Variants in ARHGAP6 observed in about 807,000 individuals in gnomAD.
ARHGAP6 encodes the protein Rho GTPase activating protein 6.
A neutral mutation model predicts 55.7 loss-of-function variants in ARHGAP6; 16 were observed. That is an observed-to-expected ratio of 0.29 (90% CI 0.19 to 0.44). The LOEUF (loss-of-function observed/expected upper bound fraction) is 0.44. Ranked by LOEUF, ARHGAP6 falls within the 20% of genes least tolerant of loss-of-function variation. ARHGAP6 has a pLI of 1.00. For synonymous variants in ARHGAP6, 382 were observed against 360.9 expected, an observed-to-expected ratio of 1.06 and a Z score of -0.66; for missense variants, 698 against 808.9, an observed-to-expected ratio of 0.86 and a Z score of 1.66.
chrX:11,504,418 A>G (rs1440351816), intron 1 of ARHGAP6, among the ~76,000 whole-genome samples: 1 of 111,059 alleles, frequency 9.0e-6, no homozygotes, highest in Non-Finnish European at 1.9e-5. Flanking sequence ...TGTCACCAAC[A>G]CCACTCCCCA....
chrX:11,192,175 T>A (rs1332468801), intron 3 of ARHGAP6, among the ~76,000 whole-genome samples: 1 of 112,335 alleles, frequency 8.9e-6, no homozygotes, highest in African/African-American at 3.2e-5. Flanking sequence ...CTTACTCAGA[T>A]TTCCAAAAGT....
At chrX:11,517,424 A>G (rs1219782106) in intron 1 of ARHGAP6, among the ~76,000 whole-genome samples, 1 of 111,530 alleles carries the variant, frequency 9.0e-6, no homozygotes, top group Non-Finnish European at 1.9e-5. Context: ...CAGAGCCAAT[A>G]AAACAACTGG....
At chrX:11,241,853 G>C (rs1275462008) in intron 2 of ARHGAP6, among the ~76,000 whole-genome samples, 1 of 111,492 alleles carries the variant, frequency 9.0e-6, no homozygotes, top group Non-Finnish European at 1.9e-5. Context: ...AGAAGAAAAT[G>C]TTTTATGGTA....
chrX:11,311,089 TAAAC>T (rs928138309), intron 1 of ARHGAP6, among the ~76,000 whole-genome samples: 31 of 111,418 alleles, frequency 2.8e-4, no homozygotes, highest in Non-Finnish European at 5.6e-4. Context: ...TTTGAGCACT[TAAAC>T]AAAAAAATTA....
intron 1 of ARHGAP6, among the ~76,000 whole-genome samples, chrX:11,550,209 CTTTA>C (rs1360953609): frequency 8.9e-6 from 1 of 111,863 alleles, no homozygotes; most frequent in East Asian, 2.8e-4. Flanking sequence ...CTACACTATA[CTTTA>C]GAGACAGAAA....
In ARHGAP6 at chrX:11,482,119, G is replaced by T. The variant is rs143235572; in HGVS notation, c.588+182122C>A. On this transcript the variant is annotated intron_variant, in intron 1 of 12. Transcript: ENST00000337414. Reference sequence around the variant, plus strand: ...GGATATCTGTCACAACTTTGGTGGGGGAATGCTGGTGGAATTGGCTTCAAG... The same window carrying T: ...GGATATCTGTCACAACTTTGGTGGGTGAATGCTGGTGGAATTGGCTTCAAG... Among the ~76,000 whole-genome samples the T allele has an allele frequency of 6.3e-3, 712 of 112,194 alleles. 5 individuals are homozygous for T. Among genetic ancestry groups the T allele is most frequent in the African/African-American group, 0.021 (660 of 30,841 alleles).
At chrX:11,153,171 C>T (rs966537523) in intron 10 of ARHGAP6, among the ~76,000 whole-genome samples, 2 of 111,628 alleles carry the variant, frequency 1.8e-5, no homozygotes, top group African/African-American at 3.3e-5. Context: ...ACTACCTCCC[C>T]GAGTCCTACT....
intron 1 of ARHGAP6, among the ~76,000 whole-genome samples, chrX:11,385,522 G>A (rs898246435): frequency 2.7e-5 from 3 of 111,670 alleles, no homozygotes; most frequent in African/African-American, 9.8e-5. Context: ...ATAACTTCTG[G>A]AATCAACATG....
chrX:11,367,410 T>C (rs1280115331), intron 1 of ARHGAP6, among the ~76,000 whole-genome samples: 1 of 111,244 alleles, frequency 9.0e-6, no homozygotes, highest in Non-Finnish European at 1.9e-5. Context: ...CTGCATGGGA[T>C]TTGGACAGGA....
intron 10 of ARHGAP6, chrX:11,148,543 C>T: frequency 3.5e-6 from 1 of 285,810 alleles, no homozygotes; most frequent in South Asian, 3.5e-5. Context: ...CCCCAAACCC[C>T]AGGACCATCT....
intron 12 of ARHGAP6, 30 bp from the exon 13 acceptor site, chrX:11,139,560 G>T (rs2045591772): frequency 1.8e-6 from 2 of 1,120,392 alleles, no homozygotes; most frequent in African/African-American, 3.7e-5. Flanking sequence ...CCCAAGAAAT[G>T]GAATCAGTTT....
At chrX:11,617,226 A>G (rs1169822690) in intron 1 of ARHGAP6, among the ~76,000 whole-genome samples, 1 of 112,422 alleles carries the variant, frequency 8.9e-6, no homozygotes, top group Non-Finnish European at 1.9e-5. Context: ...AATTAAATAA[A>G]ATATATAATT....
At chrX:11,517,837 G>A (rs1246209399) in intron 1 of ARHGAP6, among the ~76,000 whole-genome samples, 1 of 110,784 alleles carries the variant, frequency 9.0e-6, no homozygotes, top group Non-Finnish European at 1.9e-5. Flanking sequence ...GGTTGGGGGA[G>A]GGAGAGCATC....
At chrX:11,243,787 C>A (rs1045404248) in intron 2 of ARHGAP6, among the ~76,000 whole-genome samples, 1 of 111,972 alleles carries the variant, frequency 8.9e-6, no homozygotes, top group Non-Finnish European at 1.9e-5. Context: ...TTCTACTATG[C>A]CTTTTCTATG....
chrX:11,361,803 T>C (rs1426191242), intron 1 of ARHGAP6, among the ~76,000 whole-genome samples: 2 of 110,266 alleles, frequency 1.8e-5, no homozygotes, highest in Non-Finnish European at 3.8e-5. Context: ...CAAACAAATT[T>C]ACAAGAAAAA....
chrX:11,331,320 A>G (rs2048560727), intron 1 of ARHGAP6, among the ~76,000 whole-genome samples: 1 of 111,724 alleles, frequency 9.0e-6, no homozygotes, highest in Non-Finnish European at 1.9e-5. Context: ...CATTTAAATC[A>G]GACCCTTTCT....
At chrX:11,533,220 T>C (rs1360823304) in intron 1 of ARHGAP6, among the ~76,000 whole-genome samples, 1 of 110,896 alleles carries the variant, frequency 9.0e-6, no homozygotes, top group East Asian at 2.8e-4. Context: ...AAAATAAGTG[T>C]AATATATCCC....
chrX:11,419,813 T>C (rs758159184), intron 1 of ARHGAP6, among the ~76,000 whole-genome samples: 30 of 112,756 alleles, frequency 2.7e-4, no homozygotes, highest in Non-Finnish European at 4.5e-4. Flanking sequence ...TTCAAAAATA[T>C]GTTAAAAGTT....
At chrX:11,152,543 C>T (rs1289402874) in intron 10 of ARHGAP6, among the ~76,000 whole-genome samples, 3 of 111,665 alleles carry the variant, frequency 2.7e-5, no homozygotes, top group Admixed American at 9.5e-5. Context: ...ATGTCCAGGT[C>T]CTGGTGCAAG....
Sources: gnomAD v4.1 joint callset for allele counts (sites outside exome capture counted in the v4.1 genomes callset) on GRCh38, gnomAD v4.1.1 for gene constraint, MANE v1.5 for transcripts, NCBI Gene and HGNC (gene_info 2026-07-23, HGNC 2026-07-21) for gene names.